Variants in TTN observed in about 807,000 individuals in gnomAD.
TTN encodes the protein connectin.
TTN carries 1,525 observed loss-of-function variants against 3,223.0 expected under a neutral mutation model. That is an observed-to-expected ratio of 0.47 (90% CI 0.45 to 0.49). The LOEUF (loss-of-function observed/expected upper bound fraction) is 0.49, where lower values mean the gene tolerates loss of function less well. TTN is among the 20% of genes least tolerant of loss of function. The probability of loss-of-function intolerance (pLI) is 0.00; values close to 1 mark genes in which losing one functional copy is unlikely to be tolerated. For synonymous variants in TTN, 14,094 were observed against 15,161.0 expected (o/e 0.93, Z 5.17); for missense variants, 40,786 against 43,424.0 (o/e 0.94, Z 5.40).
At position 178,582,672 on chromosome 2, in the gene TTN, T is replaced by G. The variant is rs548249491; in HGVS notation, c.65864-80A>C. ...AGAGGTCTGGAGACCTGGGCTGCAG[T>G]CTTTCTATTGTCAATTTCCTATATG... On this transcript the variant is annotated intron_variant, in intron 313 of 362. Transcript: ENST00000589042. 137 of 1,349,402 alleles carry G rather than the reference T, an allele frequency of 1.0e-4. 1 individual carries two copies. The African/African-American group carries it at 1.8e-3, about 18-fold the overall frequency. 83.6% of individuals were successfully genotyped at this position (1,349,402 alleles called of 1,614,324 possible).
At chr2:178,788,107 C>T (rs544770486) in intron 13 of TTN, among the ~76,000 whole-genome samples, 8 of 152,128 alleles carry the variant, frequency 5.3e-5, no homozygotes, top group South Asian at 2.1e-4. Flanking sequence ...GCACAATTCA[C>T]GACGGATGAA....
At position 178,799,653 on chromosome 2, in the gene TTN, G is replaced by T. The variant is rs1198224060; in HGVS notation, c.748C>A (p.Pro250Thr). The T allele has an allele frequency of 1.2e-6, 2 of 1,614,120 alleles. No homozygotes were observed. The highest frequency in any genetic ancestry group is 2.2e-5 in the East Asian group (1 of 44,868). ...GGAATCCTGGGAGGTGTTTTATGTG[G>T]CAGCTGTTGCCCAGCGGCACCATCT... is the stretch of plus-strand genomic sequence containing the variant. ...VIDGAAGQQLPHKTPPRIPPK... is the reference protein window; with the variant it reads ...VIDGAAGQQLTHKTPPRIPPK... Residue 250 changes from proline (P) to threonine (T), a missense_variant, in exon 6 of 363, where the codon CCA becomes ACA. Coordinates refer to ENST00000589042, the MANE Select transcript of TTN (RefSeq NM_001267550.2).
At chr2:178,537,950 G>A (rs1272127341) in intron 354 of TTN, 33 bp from the exon 355 acceptor site, 5 of 1,489,664 alleles carry the variant, frequency 3.4e-6, no homozygotes, top group Non-Finnish European at 4.6e-6. Context: ...TTAAGTGACT[G>A]TTAATACTCA....
intron 106 of TTN, among the ~76,000 whole-genome samples, chr2:178,703,090 G>A (rs762949488): frequency 6.6e-5 from 10 of 152,246 alleles, no homozygotes; most frequent in Admixed American, 1.3e-4. Flanking sequence ...TATCTAATAT[G>A]TATAACTTTT....
intron 16 of TTN, 65 bp from the exon 17 acceptor site, chr2:178,783,850 G>C: frequency 7.6e-7 from 1 of 1,312,350 alleles, no homozygotes; most frequent in Non-Finnish European, 1.1e-6. Context: ...TAAACTCTTA[G>C]CTCATGCAAC....
chr2:178,580,437 G>C lies in TTN; in HGVS notation c.66942C>G (p.Asp22314Glu). The C allele has an allele frequency of 6.2e-7, 1 of 1,613,242 alleles. No individual in the cohort carries two copies. Reference protein sequence around the residue: ...DRIGLDIKSTDFDTFLRCENV... With the variant: ...DRIGLDIKSTEFDTFLRCENV... Reference sequence around the variant, plus strand: ...TTTCACAGCGCAAGAAAGTGTCAAAGTCAGTTGACTTTATGTCCAGTCCAA... The same window carrying C: ...TTTCACAGCGCAAGAAAGTGTCAAACTCAGTTGACTTTATGTCCAGTCCAA... The change falls in exon 317 of 363, where the codon GAC becomes GAG. Residue 22314 changes from aspartate to glutamate, a missense_variant. Physicochemically the swap from Asp to Glu is conservative, Grantham distance 45 (BLOSUM62 2). Coordinates refer to ENST00000589042, the MANE Select transcript of TTN (RefSeq NM_001267550.2).
chr2:178,650,853 A>AT lies in TTN; in HGVS notation c.39626-20dup. 6.3e-7 allele frequency: 1 copy of AT among 1,581,360 alleles called. No homozygotes were observed. The highest frequency in any genetic ancestry group is 8.6e-7 in the Non-Finnish European group (1 of 1,161,698). On this transcript the variant is annotated intron_variant, in intron 208 of 362. Coordinates refer to ENST00000589042, the MANE Select transcript of TTN (RefSeq NM_001267550.2). ...TCTGGCACTTTAAAGATATTAATTC[A>AT]TTTTTCTTATGAGTAGTTGAGAAGT... is the stretch of plus-strand genomic sequence containing the variant.
At position 178,530,959 on chromosome 2, in the gene TTN, T is replaced by C; in HGVS notation, c.105656A>G (p.Gln35219Arg). The change falls in exon 358 of 363, where the codon CAA becomes CGA. Residue 35219 changes from glutamine (Q) to arginine (R), a missense_variant. Transcript: ENST00000589042. ...KQEAEFTLTI[Q>R]KARVTEKAVT... ...AGCCTTTTCAGTTACCCTGGCCTTT[T>C]GAATAGTCAGAGTGAACTCTGCTTC... 1 of 1,614,030 alleles carries C rather than the reference T, an allele frequency of 6.2e-7. No homozygotes were observed. The highest frequency in any genetic ancestry group is 1.1e-5 in the South Asian group (1 of 91,080).
chr2:178,532,763 T>C lies in TTN; in HGVS notation c.103852A>G (p.Lys34618Glu). Residue 34618 changes from lysine (K) to glutamate (E), a missense_variant, in exon 358 of 363, where the codon AAA becomes GAA. Physicochemically the swap from Lys to Glu is moderately conservative, Grantham distance 56 (BLOSUM62 1). Transcript: ENST00000589042. Reference sequence around the variant, plus strand: ...TGGGACAGTTTAGGAATACGCCATTTAGGTCTGTATTGATCTGTAATGCGT... The same window carrying C: ...TGGGACAGTTTAGGAATACGCCATTCAGGTCTGTATTGATCTGTAATGCGT... ...LPRITDQYRPKWRIPKLSQDD... is the reference protein window; with the variant it reads ...LPRITDQYRPEWRIPKLSQDD... 6.2e-7 allele frequency: 1 copy of C among 1,614,012 alleles called. No individual in the cohort carries two copies. The highest frequency in any genetic ancestry group is 1.6e-4 in the Middle Eastern group (1 of 6,062).
chr2:178,757,814 T>G lies in TTN; in HGVS notation c.10406A>C (p.Gln3469Pro). The change falls in exon 45 of 363, where the codon CAG becomes CCG. Residue 3469 changes from glutamine to proline, a missense_variant. Gln to Pro is a moderately conservative substitution (Grantham distance 76). Coordinates refer to ENST00000589042, the MANE Select transcript of TTN (RefSeq NM_001267550.2). ...EPLGQKPSFI[Q>P]PLSSLRVHNG... ...GTGCACCCTGAGGCTTGACAGAGGC[T>G]GGATGAAGCTGGGCTTTTGGCCAAG... 1 of 1,610,274 alleles carries G rather than the reference T, an allele frequency of 6.2e-7. No individual in the cohort carries two copies. The highest frequency in any genetic ancestry group is 1.1e-5 in the South Asian group (1 of 90,590).
chr2:178,663,845 T>G lies in TTN; in HGVS notation c.36422A>C (p.Lys12141Thr). 6.2e-7 allele frequency: 1 copy of G among 1,613,406 alleles called. No homozygotes were observed. Among genetic ancestry groups the G allele is most frequent in the Non-Finnish European group, 8.5e-7 (1 of 1,179,816 alleles). ...REEKVPLAPP[K>T]EPEVPPVKVP... ...TTTAACAGGTGGGACTTCAGGCTCTTTAGGAGGAGCCAAGGGCACTTTCTC... is the reference window on the plus strand; with the variant it reads ...TTTAACAGGTGGGACTTCAGGCTCTGTAGGAGGAGCCAAGGGCACTTTCTC... Residue 12141 changes from lysine (K) to threonine (T), a missense_variant, in exon 170 of 363, where the codon AAA becomes ACA. Transcript: ENST00000589042.
intron 43 of TTN, among the ~76,000 whole-genome samples, chr2:178,763,936 T>TC (rs1257315800): frequency 1.3e-5 from 2 of 151,566 alleles, no homozygotes; most frequent in Non-Finnish European, 2.9e-5. Context: ...AAACACTAAT[T>TC]TTTTTATTGT....
chr2:178,563,820 TAC>T lies in TTN; in HGVS notation c.82310_82311del (p.Gly27437GlufsTer2). ...GCCATGACACGGAAAATGTACTCAT[TAC>T]CAGGAAGAAGTTTAGTAACTTTGTA... ...LNYKVTKLLP[G>X]NEYIFRVMAV... On this transcript the variant is annotated frameshift_variant, in exon 326 of 363. Transcript: ENST00000589042. LOFTEE classifies it high-confidence loss of function. This position sits in a 1 kb window ranked among gnomAD's most constrained non-coding sequence, Gnocchi z 4.5. The T allele has an allele frequency of 6.2e-7, 1 of 1,613,716 alleles. No homozygotes were observed. Among genetic ancestry groups the T allele is most frequent in the Non-Finnish European group, 8.5e-7 (1 of 1,179,716 alleles).
At chr2:178,651,564 G>A (rs1385946044) in intron 206 of TTN, 28 bp from the exon 207 acceptor site, 1 of 1,611,386 alleles carries the variant, frequency 6.2e-7, no homozygotes, top group East Asian at 2.2e-5. Context: ...AGTTGTTTAA[G>A]CTCATGGTTT....
At position 178,565,394 on chromosome 2, in the gene TTN, C is replaced by G. The variant is rs1705368893; in HGVS notation, c.80738G>C (p.Trp26913Ser). The change falls in exon 326 of 363, where the codon TGG becomes TCG. Residue 26913 changes from tryptophan to serine, a missense_variant. By Grantham distance (177) the Trp-to-Ser change is radical. Transcript: ENST00000589042. ...VIGRPRPNIS[W>S]VKDGEPLKQT... ...TTTAAGAGGCTCACCATCTTTGACC[C>G]AAGAAATGTTAGGTCTTGGTCGGCC... 1 of 1,613,426 alleles carries G rather than the reference C, an allele frequency of 6.2e-7. No homozygotes were observed. The highest frequency in any genetic ancestry group is 1.3e-5 in the African/African-American group (1 of 74,878).
At chr2:178,624,314 A>G (rs888212755) in intron 242 of TTN, 151 bp downstream of exon 242, 3 of 901,726 alleles carry the variant, frequency 3.3e-6, no homozygotes, top group Admixed American at 2.5e-5. Flanking sequence ...CTTTAAACAC[A>G]TAAAGGATCA....
intron 346 of TTN, 69 bp from the exon 347 acceptor site, chr2:178,543,731 A>C: frequency 1.3e-6 from 2 of 1,517,004 alleles, no homozygotes; most frequent in Non-Finnish European, 1.8e-6. Context: ...GGGGAAATAT[A>C]ATCAACATAG....
intron 14 of TTN, 45 bp from the exon 15 acceptor site, chr2:178,785,787 C>T: frequency 6.2e-7 from 1 of 1,614,080 alleles, no homozygotes; most frequent in Non-Finnish European, 8.5e-7. Context: ...CACCAGATGA[C>T]CACAGCAGTG....
In TTN at chr2:178,546,143, G is replaced by C. The variant is rs372735674; in HGVS notation, c.95120-27C>G. 6 of 1,589,478 alleles carry C rather than the reference G, an allele frequency of 3.8e-6. No homozygotes were observed. The African/African-American group carries it at 6.7e-5, about 18-fold the overall frequency. ...TGAAACAGGTGTAATGACAAGCCAT[G>C]ATGAAGATCATTCTTTCTGCCCACA... On this transcript the variant is annotated intron_variant, in intron 342 of 362. Coordinates refer to ENST00000589042, the MANE Select transcript of TTN (RefSeq NM_001267550.2).
Sources: allele counts gnomAD v4.1 joint callset (sites outside exome capture counted in the v4.1 genomes callset), GRCh38; gene constraint gnomAD v4.1.1; non-coding constraint Gnocchi (gnomAD v3.1); transcripts MANE v1.5; gene names NCBI Gene and HGNC (gene_info 2026-07-23, HGNC 2026-07-21).